CCBE1: variants seen among roughly 807,000 people sequenced by gnomAD.
The protein encoded by CCBE1 is collagen and calcium-binding EGF domain-containing protein 1.
Under a neutral mutation model 50.0 loss-of-function variants are expected in CCBE1, and 37 were observed. The observed-to-expected ratio is 0.74, with a 90% CI of 0.57 to 0.97. The LOEUF (loss-of-function observed/expected upper bound fraction) is 0.97, where lower values mean the gene tolerates loss of function less well. Ranked by LOEUF, CCBE1 falls within the 50% of genes least tolerant of loss-of-function variation. The pLI, the probability that CCBE1 is intolerant of heterozygous loss-of-function variation, is 0.00. For synonymous variants in CCBE1, 234 were observed against 203.7 expected, an observed-to-expected ratio of 1.15 and a Z score of -1.27; for missense variants, 538 against 523.8, an observed-to-expected ratio of 1.03 and a Z score of -0.26.
intron 2 of CCBE1, among the ~76,000 whole-genome samples, chr18:59,570,873 C>T (rs1203747360): frequency 6.6e-6 from 1 of 152,188 alleles, no homozygotes; most frequent in East Asian, 1.9e-4. Flanking sequence ...GGATGAAAAT[C>T]GAGACATCAG....
intron 2 of CCBE1, among the ~76,000 whole-genome samples, chr18:59,533,379 A>G (rs1425467452): frequency 6.6e-6 from 1 of 152,228 alleles, no homozygotes; most frequent in Non-Finnish European, 1.5e-5. Flanking sequence ...AACTTAAAAT[A>G]GCTTCACTAA....
intron 2 of CCBE1, among the ~76,000 whole-genome samples, chr18:59,567,910 A>C (rs1358168290): frequency 3.3e-5 from 5 of 152,160 alleles, no homozygotes; most frequent in Non-Finnish European, 7.4e-5. Flanking sequence ...CCCTTTCCTA[A>C]TGCTATTTTT....
chr18:59,648,576 C>G (rs1411372434), intron 2 of CCBE1, among the ~76,000 whole-genome samples: 1 of 152,210 alleles, frequency 6.6e-6, no homozygotes, highest in African/African-American at 2.4e-5. Flanking sequence ...CGTGGTGGCG[C>G]ATGCCTGTAG....
In CCBE1 at chr18:59,556,724, C is replaced by T. The variant is rs2052662264; in HGVS notation, c.213-76486G>A. On this transcript the variant is annotated intron_variant, in intron 2 of 10. Transcript: ENST00000439986. ...AAATCAATACATTGTCATAGTAACT[C>T]TTCCAACCCACACTGAGGTTTTTTG... is the stretch of plus-strand genomic sequence containing the variant. Among the ~76,000 whole-genome samples, 2 of 152,322 alleles carry T rather than the reference C, an allele frequency of 1.3e-5. 1 individual carries two copies. Among genetic ancestry groups the T allele is most frequent in the South Asian group, 4.1e-4 (2 of 4,826 alleles).
chr18:59,615,841 A>C (rs992436793), intron 2 of CCBE1, among the ~76,000 whole-genome samples: 1 of 152,230 alleles, frequency 6.6e-6, no homozygotes. Flanking sequence ...TATTTGCAGA[A>C]GAGAAGGAAA....
At chr18:59,555,650 A>G (rs377617020) in intron 2 of CCBE1, among the ~76,000 whole-genome samples, 1 of 151,882 alleles carries the variant, frequency 6.6e-6, no homozygotes, top group East Asian at 1.9e-4. Context: ...AATGCCAACA[A>G]CCCTGGGGTC....
At chr18:59,645,038 G>A (rs182109125) in intron 2 of CCBE1, among the ~76,000 whole-genome samples, 145 of 152,006 alleles carry the variant, frequency 9.5e-4, no homozygotes, top group African/African-American at 3.5e-3. Context: ...GGCGGATCAC[G>A]AGGTCAGGAG....
intron 2 of CCBE1, chr18:59,688,261 C>T (rs1462978691): frequency 1.3e-5 from 2 of 152,172 alleles, no homozygotes; most frequent in Non-Finnish European, 2.9e-5. Context: ...CCAGCCTGGA[C>T]AACGTAGCAA....
chr18:59,498,687 A>G (rs1268995888), intron 2 of CCBE1, among the ~76,000 whole-genome samples: 1 of 152,258 alleles, frequency 6.6e-6, no homozygotes, highest in Non-Finnish European at 1.5e-5. Context: ...ACGTTAGTGC[A>G]TAATTCATTT....
chr18:59,610,406 C>CCCCT (rs2053552614), intron 2 of CCBE1, among the ~76,000 whole-genome samples: 1 of 146,314 alleles, frequency 6.8e-6, no homozygotes. Flanking sequence ...TGGCCCCTTA[C>CCCCT]CCCTCCTGCC....
rs1254568069 is a variant in CCBE1, at chr18:59,697,235, T to C, written c.108A>G (p.Arg36=). The change falls in exon 1 of 11, where the codon AGA becomes AGG. Residue 36 remains arginine (R), a synonymous_variant. Transcript: ENST00000439986. Reference sequence around the variant, plus strand: ...ACCTGTCGCCGTCCTCCGGCTCCTCTCTGTAGGTCCACGTGTGTCCCAACG... The same window carrying C: ...ACCTGTCGCCGTCCTCCGGCTCCTCCCTGTAGGTCCACGTGTGTCCCAACG... ...LLALGHTWTY[R]EEPEDGDREI... The C allele has an allele frequency of 1.3e-6, 2 of 1,549,150 alleles. No individual in the cohort carries two copies. Among genetic ancestry groups the C allele is most frequent in the Non-Finnish European group, 1.7e-6 (2 of 1,146,720 alleles).
intron 2 of CCBE1, among the ~76,000 whole-genome samples, chr18:59,690,982 C>T (rs1031750943): frequency 7.2e-5 from 11 of 152,280 alleles, no homozygotes; most frequent in African/African-American, 2.4e-4. Flanking sequence ...TAAAGTTAAG[C>T]GGATCTAACT....
At chr18:59,623,184 GC>G (rs1182026133) in intron 2 of CCBE1, among the ~76,000 whole-genome samples, 1 of 152,106 alleles carries the variant, frequency 6.6e-6, no homozygotes, top group Non-Finnish European at 1.5e-5. Context: ...ATCTAAAACT[GC>G]TCTAAAAAAA....
rs11271448 is a variant in CCBE1, at chr18:59,547,037, G to GAGAGGGGGACAGAGGGGGAC, written c.213-66800_213-66799insGTCCCCCTCTGTCCCCCTCT. Among the ~76,000 whole-genome samples the GAGAGGGGGACAGAGGGGGAC allele has an allele frequency of 2.8e-4, 25 of 89,894 alleles. 1 individual carries two copies. Among genetic ancestry groups the GAGAGGGGGACAGAGGGGGAC allele is most frequent in the African/African-American group, 7.4e-4 (17 of 22,856 alleles). The allele number at this position is 89,894 out of a possible 152,430, so 59.0% of individuals were successfully genotyped here. On this transcript the variant is annotated intron_variant, in intron 2 of 10. Coordinates refer to ENST00000439986, the MANE Select transcript of CCBE1 (RefSeq NM_133459.4). The stretch of plus-strand genomic sequence containing the variant: ...TGGTTAGAGGAATGGGAGAGAGAAA[G>GAGAGGGGGACAGAGGGGGAC]AGAGGGGGAGAGAGGGGGAGAGAGG...
chr18:59,644,543 T>G (rs17698267), intron 2 of CCBE1, among the ~76,000 whole-genome samples: 12,357 of 152,326 alleles, frequency 0.081, 668 homozygotes, highest in Non-Finnish European at 0.11. Context: ...TTACCATTAC[T>G]TCAGAACCAC....
At chr18:59,609,806 A>T (rs2144580142) in intron 2 of CCBE1, among the ~76,000 whole-genome samples, 1 of 152,402 alleles carries the variant, frequency 6.6e-6, no homozygotes, top group African/African-American at 2.4e-5. Flanking sequence ...AACATACCAG[A>T]AAACCTACCC....
At chr18:59,467,616 C>G (rs562409338) in intron 4 of CCBE1, among the ~76,000 whole-genome samples, 1 of 152,170 alleles carries the variant, frequency 6.6e-6, no homozygotes, top group Non-Finnish European at 1.5e-5. Context: ...GCTCCCCTGC[C>G]GCATGGTGGA....
intron 6 of CCBE1, among the ~76,000 whole-genome samples, chr18:59,449,169 T>C (rs1020646854): frequency 2.0e-5 from 3 of 152,222 alleles, no homozygotes; most frequent in Non-Finnish European, 4.4e-5. Context: ...CCTGCCACTT[T>C]CTACCTGTGG....
rs115456342 is a variant in CCBE1 at position 59,587,153 on chromosome 18, A to G, written c.213-106915T>C. 8.6e-3 allele frequency among the ~76,000 whole-genome samples: 1,307 copies of G among 152,360 alleles called. 17 individuals are homozygous for G. The highest frequency in any genetic ancestry group is 0.022 in the African/African-American group (915 of 41,574). On this transcript the variant is annotated intron_variant, in intron 2 of 10. Coordinates refer to ENST00000439986, the MANE Select transcript of CCBE1 (RefSeq NM_133459.4). Reference sequence around the variant, plus strand: ...TAACTCCACAGAAACTCTTTTGGAAAATTAAGATGTACTTCCCAAATTGCT... The same window carrying G: ...TAACTCCACAGAAACTCTTTTGGAAGATTAAGATGTACTTCCCAAATTGCT...
Sources: gnomAD v4.1 joint callset for allele counts (sites outside exome capture counted in the v4.1 genomes callset) on GRCh38, gnomAD v4.1.1 for gene constraint, MANE v1.5 for transcripts, NCBI Gene and HGNC (gene_info 2026-07-23, HGNC 2026-07-21) for gene names.